Variants in OPCML observed in about 807,000 individuals in gnomAD.
The protein encoded by OPCML is opioid binding protein/cell adhesion molecule like, also known as opioid-binding protein/cell adhesion molecule.
OPCML carries 13 observed loss-of-function variants against 37.8 expected under a neutral mutation model. The observed-to-expected ratio is 0.34, with a 90% confidence interval of 0.22 to 0.55. The LOEUF is 0.55. OPCML is among the 20% of genes least tolerant of loss of function. OPCML has a pLI of 0.91. For synonymous variants in OPCML, 176 were observed against 168.8 expected (o/e 1.04, Z -0.33); for missense variants, 341 against 435.6 (o/e 0.78, Z 1.93).
chr11:132,730,420 G>A (rs1332374481), intron 2 of OPCML, among the ~76,000 whole-genome samples: 1 of 152,094 alleles, frequency 6.6e-6, no homozygotes, highest in Non-Finnish European at 1.5e-5. Flanking sequence ...TAATCTAAAA[G>A]GAAATGAAGA....
At chr11:132,521,628 C>T (rs758822905) in intron 4 of OPCML, among the ~76,000 whole-genome samples, 1 of 151,880 alleles carries the variant, frequency 6.6e-6, no homozygotes, top group African/African-American at 2.4e-5. Flanking sequence ...GGAAGGGGAG[C>T]GTGAGCATTA....
At chr11:132,585,623 G>A (rs758147324) in intron 3 of OPCML, among the ~76,000 whole-genome samples, 1 of 152,114 alleles carries the variant, frequency 6.6e-6, no homozygotes, top group African/African-American at 2.4e-5. Context: ...TGACATTTAA[G>A]TGTCACTAAG....
At chr11:132,735,574 C>T (rs1034490389) in intron 2 of OPCML, among the ~76,000 whole-genome samples, 11 of 152,130 alleles carry the variant, frequency 7.2e-5, no homozygotes, top group African/African-American at 2.4e-4. Context: ...GCAAGTTCCT[C>T]ACGGGTTTAC....
At chr11:133,332,902 C>G (rs1406783517) in intron 1 of OPCML, among the ~76,000 whole-genome samples, 1 of 152,156 alleles carries the variant, frequency 6.6e-6, no homozygotes, top group African/African-American at 2.4e-5. Context: ...TACCCGACTT[C>G]AAACGATACT....
chr11:133,422,105 T>C (rs1177289714), intron 1 of OPCML: 1 of 978,332 alleles, frequency 1.0e-6, no homozygotes, highest in Non-Finnish European at 1.2e-6. Context: ...CTCCTAATGC[T>C]ATCCCTCCCC....
intron 2 of OPCML, among the ~76,000 whole-genome samples, chr11:132,702,196 T>C (rs2135925622): frequency 6.6e-6 from 1 of 152,336 alleles, no homozygotes; most frequent in African/African-American, 2.4e-5. Context: ...AAGTTAGTGT[T>C]CTCTCATTCC....
intron 2 of OPCML, among the ~76,000 whole-genome samples, chr11:132,696,127 C>T (rs1490437990): frequency 6.6e-6 from 1 of 152,052 alleles, no homozygotes; most frequent in Non-Finnish European, 1.5e-5. Context: ...AATAAGCTGC[C>T]AAGGAATTTG....
chr11:133,075,254 C>T (rs1948604280), intron 1 of OPCML, among the ~76,000 whole-genome samples: 1 of 152,218 alleles, frequency 6.6e-6, no homozygotes, highest in Non-Finnish European at 1.5e-5. Context: ...AATGGTTTGG[C>T]AACCTGCTAT....
chr11:132,674,058 G>T (rs185941288), intron 2 of OPCML, among the ~76,000 whole-genome samples: 19 of 152,298 alleles, frequency 1.2e-4, no homozygotes, highest in African/African-American at 4.6e-4. Context: ...GCTCTTCAAA[G>T]TGTTTAGATA....
At chr11:133,468,742 C>A (rs1565651427) in intron 1 of OPCML, among the ~76,000 whole-genome samples, 2 of 152,302 alleles carry the variant, frequency 1.3e-5, no homozygotes, top group Non-Finnish European at 2.9e-5. Flanking sequence ...GCTCACTTCA[C>A]AAACACTCTG....
chr11:133,259,806 C>T (rs993137085), intron 1 of OPCML, among the ~76,000 whole-genome samples: 1 of 152,072 alleles, frequency 6.6e-6, no homozygotes, highest in Non-Finnish European at 1.5e-5. Context: ...TGCTCTATGC[C>T]CTGGGAACAT....
chr11:132,833,591 T>C (rs1940839947), intron 2 of OPCML, among the ~76,000 whole-genome samples: 1 of 152,266 alleles, frequency 6.6e-6, no homozygotes, highest in African/African-American at 2.4e-5. Flanking sequence ...TTATCATCAC[T>C]ATAAAGCTTA....
intron 4 of OPCML, among the ~76,000 whole-genome samples, chr11:132,494,528 C>G (rs546880473): frequency 2.0e-5 from 3 of 151,996 alleles, no homozygotes; most frequent in Non-Finnish European, 4.4e-5. Flanking sequence ...TTGATGTCTA[C>G]AAAACCCTAA....
chr11:133,211,320 A>C lies in OPCML; in HGVS notation c.62-268310T>G, dbSNP rs1012702618. On this transcript the variant is annotated intron_variant, in intron 1 of 7. Transcript: ENST00000524381. The surrounding 1 kb of genome is among the most constrained non-coding windows in gnomAD (Gnocchi z 4.1). ...CCCAGCACCTAAAAATCCACTCTTTAAGCATAATAGTCTATTGATTACCTC... is the reference window on the plus strand; with the variant it reads ...CCCAGCACCTAAAAATCCACTCTTTCAGCATAATAGTCTATTGATTACCTC... 2.6e-4 allele frequency among the ~76,000 whole-genome samples: 40 copies of C among 152,144 alleles called. 1 individual carries two copies. The highest frequency in any genetic ancestry group is 8.8e-5 in the Non-Finnish European group (6 of 68,024).
At chr11:133,361,619 C>G (rs1351080733) in intron 1 of OPCML, 1 of 164,640 alleles carries the variant, frequency 6.1e-6, no homozygotes, top group Admixed American at 6.6e-5. Flanking sequence ...TCCGGGGCAC[C>G]TGCAGCTATT....
intron 2 of OPCML, among the ~76,000 whole-genome samples, chr11:132,895,955 G>T (rs2659603): frequency 5.9e-5 from 9 of 152,018 alleles, no homozygotes; most frequent in African/African-American, 1.7e-4. Flanking sequence ...CAGAAGTCTG[G>T]GGAATGCTTG....
intron 1 of OPCML, chr11:133,026,398 C>A (rs1947555720): frequency 1.0e-6 from 1 of 985,298 alleles, no homozygotes; most frequent in African/African-American, 1.7e-5. Context: ...GAGCACCTTG[C>A]CTGCCTCTTC....
chr11:132,536,587 A>G (rs2096341518), intron 3 of OPCML, among the ~76,000 whole-genome samples: 1 of 152,330 alleles, frequency 6.6e-6, no homozygotes, highest in Non-Finnish European at 1.5e-5. Flanking sequence ...AGCTAATATA[A>G]ATGTGAAATA....
intron 3 of OPCML, among the ~76,000 whole-genome samples, chr11:132,581,540 T>C (rs1224044043): frequency 6.6e-6 from 1 of 152,146 alleles, no homozygotes; most frequent in African/African-American, 2.4e-5. Flanking sequence ...AAAAGTAAAT[T>C]ATTTTGCTGG....
Sources: gnomAD v4.1 joint callset for allele counts (sites outside exome capture counted in the v4.1 genomes callset) on GRCh38, gnomAD v4.1.1 for gene constraint, Gnocchi (gnomAD v3.1) non-coding constraint, MANE v1.5 for transcripts, NCBI Gene and HGNC (gene_info 2026-07-23, HGNC 2026-07-21) for gene names.